Variants in SLC4A1 observed in about 807,000 individuals in gnomAD.
SLC4A1 encodes band 3 anion transport protein.
A neutral mutation model predicts 93.1 loss-of-function variants in SLC4A1; 29 were observed. The ratio of observed to expected loss-of-function variants is 0.31; its 90% CI spans 0.23 to 0.42. SLC4A1 has a LOEUF of 0.42. SLC4A1 is among the 20% of genes least tolerant of loss of function. The pLI is 1.00. For missense variants in SLC4A1, 965 were observed against 1,190.1 expected (o/e 0.81, Z 2.78); for synonymous variants, 469 against 497.2 (o/e 0.94, Z 0.76).
In SLC4A1 at chr17:44,258,138, T is replaced by A; in HGVS notation, c.1130A>T (p.Gln377Leu). The A allele has an allele frequency of 6.2e-7, 1 of 1,614,014 alleles. No homozygotes were observed. Among genetic ancestry groups the A allele is most frequent in the South Asian group, 1.1e-5 (1 of 91,072 alleles). Residue 377 changes from glutamine (Q) to leucine (L), a missense_variant, in exon 11 of 20, where the codon CAG becomes CTG. Physicochemically the swap from Gln to Leu is moderately radical, Grantham distance 113. Coordinates refer to ENST00000262418, the MANE Select transcript of SLC4A1 (RefSeq NM_000342.4). The surrounding 1 kb of genome is among the most constrained non-coding windows in gnomAD (Gnocchi z 6.1). ...GPDDPLQQTG[Q>L]LFGGLVRDIR... ...ATCACGCACCAGGCCCCCGAAGAGC[T>A]GGCCTGTCTGCTGCAGAGGGTCATC...
At chr17:44,251,720 CTTTTTTTT>C (rs67064853) in intron 17 of SLC4A1, 132 bp from the exon 18 acceptor site, 14 of 392,884 alleles carry the variant, frequency 3.6e-5, no homozygotes, top group Middle Eastern at 8.3e-4. Context: ...CTTTTCTTTT[CTTTTTTTT>C]TTTTTTTTTT....
Position 44,251,436 on chromosome 17 carries a change from C to A in SLC4A1, c.2464G>T (p.Val822Leu). 6.2e-7 allele frequency: 1 copy of A among 1,614,270 alleles called. No individual in the cohort carries two copies. Among genetic ancestry groups the A allele is most frequent in the African/African-American group, 1.3e-5 (1 of 75,072 alleles). Residue 822 changes from valine (V) to leucine (L), a missense_variant, in exon 18 of 20, where the codon GTG becomes TTG. Around this residue, in one of 2 missense-constraint regions of SLC4A1, gnomAD observed 770 missense variants for 1,006.6 expected, o/e 0.76. Coordinates refer to ENST00000262418, the MANE Select transcript of SLC4A1 (RefSeq NM_000342.4). ...LFKPPKYHPD[V>L]PYVKRVKTWR... is the part of the protein sequence containing the mutation. ...TCCTGTACCCGCTTGACGTAGGGCACATCTGGGTGATACTTGGGTGGCTTG... is the reference window on the plus strand; with the variant it reads ...TCCTGTACCCGCTTGACGTAGGGCAAATCTGGGTGATACTTGGGTGGCTTG...
rs142866653 is a variant in SLC4A1 at position 44,259,216 on chromosome 17, G to T, written c.823C>A (p.His275Asn). 31 of 1,613,910 alleles carry T rather than the reference G, an allele frequency of 1.9e-5. No homozygotes were observed. The Middle Eastern group carries it at 8.2e-4, about 43-fold the overall frequency. Residue 275 changes from histidine to asparagine, a missense_variant, in exon 9 of 20, where the codon CAC becomes AAC. Transcript: ENST00000262418. ...LFVLLGPEAP[H>N]IDYTQLGRAA... ...CGGCCAAGCTGGGTGTAATCGATGT[G>T]GGGGGCCTCAGGTCCCAGCAACACA...
intron 16 of SLC4A1, 82 bp from the exon 17 acceptor site, chr17:44,253,453 C>G: frequency 1.3e-6 from 2 of 1,534,384 alleles, no homozygotes; most frequent in Non-Finnish European, 1.8e-6. Context: ...ACTTGGTGTC[C>G]TTGTAGCTCA....
At chr17:44,260,156 G>A (rs771302272) in intron 6 of SLC4A1, among the ~76,000 whole-genome samples, 6 of 152,158 alleles carry the variant, frequency 3.9e-5, no homozygotes, top group Non-Finnish European at 7.4e-5. Context: ...ATGACGAGGC[G>A]GGATCAAGAG....
chr17:44,251,566 G>A lies in SLC4A1; in HGVS notation c.2334C>T (p.Pro778=). 2 of 1,614,094 alleles carry A rather than the reference G, an allele frequency of 1.2e-6. No individual in the cohort carries two copies. Among genetic ancestry groups the A allele is most frequent in the Non-Finnish European group, 8.5e-7 (1 of 1,180,020 alleles). ...VLVGLSILME[P]ILSRIPLAVL... ...CAGCCAGGGGGATGCGGGACAGGAT[G>A]GGCTCCATGAGGATGGACAGGCCTG... is the stretch of plus-strand genomic sequence containing the variant. Residue 778 remains proline (P), a synonymous_variant, in exon 18 of 20, where the codon CCC becomes CCT. Transcript: ENST00000262418.
At position 44,249,117 on chromosome 17, in the gene SLC4A1, C is replaced by T. The variant is rs951529200; in HGVS notation, c.*1341G>A. The T allele has an allele frequency of 4.5e-6, 2 of 447,608 alleles. No individual in the cohort carries two copies. The highest frequency in any genetic ancestry group is 8.9e-6 in the Non-Finnish European group (2 of 223,760). The allele number at this position is 447,608 out of a possible 1,614,324, so 27.7% of individuals were successfully genotyped here. On this transcript the variant is annotated 3_prime_UTR_variant, in exon 20 of 20. Transcript: ENST00000262418. ...CCTCAAATGATCCGCCCAACTTGGC[C>T]TCCCAAAGTGCTGGGATTACAAACG...
At chr17:44,255,458 C>T (rs1442756537) in intron 14 of SLC4A1, among the ~76,000 whole-genome samples, 162 bp from the exon 15 acceptor site, 1 of 152,152 alleles carries the variant, frequency 6.6e-6, no homozygotes, top group Non-Finnish European at 1.5e-5. Flanking sequence ...CTTTCTTCTT[C>T]CCCCAGCAGT....
intron 1 of SLC4A1, among the ~76,000 whole-genome samples, chr17:44,263,882 G>A (rs1267693472): frequency 6.6e-6 from 1 of 151,714 alleles, no homozygotes; most frequent in Non-Finnish European, 1.5e-5. Context: ...GGATCCTCCT[G>A]GCCCAGCCTC....
At position 44,253,106 on chromosome 17, in the gene SLC4A1, G is replaced by A. The variant is rs751641851; in HGVS notation, c.2311+12C>T. 6.2e-7 allele frequency: 1 copy of A among 1,608,826 alleles called. No homozygotes were observed. The highest frequency in any genetic ancestry group is 1.7e-5 in the Admixed American group (1 of 60,014). Reference sequence around the variant, plus strand: ...AGGAGGATGGTGAAGACGCGACCCAGCTTTCACTCACCCACAAGCACAGCG... The same window carrying A: ...AGGAGGATGGTGAAGACGCGACCCAACTTTCACTCACCCACAAGCACAGCG... On this transcript the variant is annotated intron_variant, in intron 17 of 19. Coordinates refer to ENST00000262418, the MANE Select transcript of SLC4A1 (RefSeq NM_000342.4).
rs753913623 is a variant in SLC4A1, at chr17:44,258,490, G to A, written c.1010C>T (p.Pro337Leu). The change falls in exon 10 of 20, where the codon CCT (proline) becomes CTT (leucine). Residue 337 changes from proline (P) to leucine (L), a missense_variant. This residue lies in a region of SLC4A1 where 770 missense variants were observed against 1,006.6 expected (regional missense o/e 0.76). Coordinates refer to ENST00000262418, the MANE Select transcript of SLC4A1 (RefSeq NM_000342.4). The surrounding 1 kb of genome is among the most constrained non-coding windows in gnomAD (Gnocchi z 6.1). ...CCTTCGAAGTAGCTCCCTCTGCACAGGCACCAGACTGAGCAGTGCCTGCTC... is the reference window on the plus strand; with the variant it reads ...CCTTCGAAGTAGCTCCCTCTGCACAAGCACCAGACTGAGCAGTGCCTGCTC... ...PSEQALLSLV[P>L]VQRELLRRRY... 1 of 1,613,930 alleles carries A rather than the reference G, an allele frequency of 6.2e-7. No homozygotes were observed. The highest frequency in any genetic ancestry group is 2.2e-5 in the East Asian group (1 of 44,896).
In SLC4A1 at chr17:44,249,261, A is replaced by T. The variant is rs535702536; in HGVS notation, c.*1197T>A. 3 of 445,142 alleles carry T rather than the reference A, an allele frequency of 6.7e-6. No individual in the cohort carries two copies. The highest frequency in any genetic ancestry group is 3.2e-5 in the South Asian group (2 of 62,560). 27.6% of individuals were successfully genotyped at this position (445,142 alleles called of 1,614,324 possible). ...TTATCTTTTTGTTTTATAAAAAAAT[A>T]AATTTGCCCATGTTCTTGGAGAGCC... is the stretch of plus-strand genomic sequence containing the variant. On this transcript the variant is annotated 3_prime_UTR_variant, in exon 20 of 20. Coordinates refer to ENST00000262418, the MANE Select transcript of SLC4A1 (RefSeq NM_000342.4).
Position 44,259,290 on chromosome 17 carries a change from G to T in SLC4A1, c.749C>A (p.Ala250Glu). The T allele has an allele frequency of 6.2e-7, 1 of 1,613,962 alleles. No individual in the cohort carries two copies. Among genetic ancestry groups the T allele is most frequent in the Non-Finnish European group, 8.5e-7 (1 of 1,180,020 alleles). The change falls in exon 9 of 20, where the codon GCA (alanine) becomes GAA (glutamate). Residue 250 changes from alanine (A) to glutamate (E), a missense_variant. By Grantham distance (107) the Ala-to-Glu change is moderately radical. This residue lies in a region of SLC4A1 where 770 missense variants were observed against 1,006.6 expected (regional missense o/e 0.76). Transcript: ENST00000262418. ...PVLGFVRLQE[A>E]AELEAVELPV... The stretch of plus-strand genomic sequence containing the variant: ...CAGCTCCACCGCCTCCAGCTCCGCT[G>T]CCTCCTGCAGCCTCACGAAGCCCAG...
intron 16 of SLC4A1, among the ~76,000 whole-genome samples, chr17:44,254,195 C>T (rs1402869863): frequency 3.9e-5 from 6 of 152,072 alleles, no homozygotes; most frequent in South Asian, 2.1e-4. Flanking sequence ...AAGCTGGTCT[C>T]GAACTCCTGA....
At position 44,253,136 on chromosome 17, in the gene SLC4A1, G is replaced by C. The variant is rs756326359; in HGVS notation, c.2293C>G (p.Leu765Val). The C allele has an allele frequency of 1.2e-6, 2 of 1,612,688 alleles. No individual in the cohort carries two copies. Among genetic ancestry groups the C allele is most frequent in the South Asian group, 2.2e-5 (2 of 91,084 alleles). ...EVKEQRISGL[L>V]VAVLVGLSIL... Reference sequence around the variant, plus strand: ...CACTCACCCACAAGCACAGCGACCAGGAGTCCACTGATCCGCTGCTCTTTG... The same window carrying C: ...CACTCACCCACAAGCACAGCGACCACGAGTCCACTGATCCGCTGCTCTTTG... Residue 765 changes from leucine (L) to valine (V), a missense_variant, in exon 17 of 20, where the codon CTG becomes GTG. Physicochemically the swap from Leu to Val is conservative, Grantham distance 32. This residue lies in a region of SLC4A1 where 770 missense variants were observed against 1,006.6 expected (regional missense o/e 0.76). Coordinates refer to ENST00000262418, the MANE Select transcript of SLC4A1 (RefSeq NM_000342.4).
chr17:44,255,165 C>A, intron 15 of SLC4A1, 42 bp downstream of exon 15: 1 of 1,400,802 alleles, frequency 7.1e-7, no homozygotes, highest in Non-Finnish European at 9.9e-7. Context: ...GAAATGAGGA[C>A]CTGGGGGGTA....
At position 44,259,853 on chromosome 17, in the gene SLC4A1, G is replaced by A. The variant is rs2047426691; in HGVS notation, c.565C>T (p.Leu189Phe). ...GTCTCCAGTGAGGAGTGTTGGGGGA[G>A]CAGAGGCTGTGAAGGATCCCCAGAG... The part of the protein sequence containing the change: ...TRSGDPSQPL[L>F]PQHSSLETQL... Residue 189 changes from leucine (L) to phenylalanine (F), a missense_variant, in exon 7 of 20, where the codon CTC becomes TTC. Physicochemically the swap from Leu to Phe is conservative, Grantham distance 22. This residue lies in a region of SLC4A1 where 770 missense variants were observed against 1,006.6 expected (regional missense o/e 0.76). Transcript: ENST00000262418. 1 of 1,614,054 alleles carries A rather than the reference G, an allele frequency of 6.2e-7. No individual in the cohort carries two copies.
chr17:44,266,821 G>A (rs1203470250), intron 1 of SLC4A1, among the ~76,000 whole-genome samples: 1 of 152,108 alleles, frequency 6.6e-6, no homozygotes, highest in African/African-American at 2.4e-5. Flanking sequence ...AAGGGTGAGC[G>A]GGACATCTGA....
At chr17:44,257,631 AG>A in intron 12 of SLC4A1, 27 bp downstream of exon 12, 1 of 1,613,536 alleles carries the variant, frequency 6.2e-7, no homozygotes, top group Non-Finnish European at 8.5e-7. Context: ...GGGACATGAC[AG>A]GGTCAGTGGG....
Sources: gnomAD v4.1 joint callset for allele counts (sites outside exome capture counted in the v4.1 genomes callset) on GRCh38, gnomAD v4.1.1 for gene constraint, gnomAD v4.1.1 regional missense constraint, Gnocchi (gnomAD v3.1) non-coding constraint, MANE v1.5 for transcripts, NCBI Gene and HGNC (gene_info 2026-07-23, HGNC 2026-07-21) for gene names.